The following PDE1A variants were observed in gnomAD, a reference collection of about 807,000 sequenced individuals.
PDE1A encodes the protein phosphodiesterase 1A.
Under a neutral mutation model 61.7 loss-of-function variants are expected in PDE1A, and 35 were observed. The observed-to-expected ratio is 0.57, with a 90% CI of 0.43 to 0.75. The LOEUF is 0.75. PDE1A is among the 30% of genes least tolerant of loss of function. The pLI is 0.00. For missense variants in PDE1A, 597 were observed against 630.6 expected (o/e 0.95, Z 0.57); for synonymous variants, 232 against 213.2 (o/e 1.09, Z -0.77).
intron 3 of PDE1A, among the ~76,000 whole-genome samples, 177 bp downstream of exon 3, chr2:182,239,933 G>C (rs1690365846): frequency 6.6e-6 from 1 of 152,100 alleles, no homozygotes. Flanking sequence ...TCCGGGACCA[G>C]GTGTTTTTGT....
the PDE1A span, among the ~76,000 whole-genome samples, chr2:182,701,419 T>C: frequency 2.6e-5 from 4 of 151,266 alleles, no homozygotes; most frequent in African/African-American, 7.3e-5. Flanking sequence ...TTTGCTGTGT[T>C]GCCCAGGCTG....
At chr2:182,367,388 CAT>C (rs374254346) in intron 1 of PDE1A, among the ~76,000 whole-genome samples, 299 of 152,010 alleles carry the variant, frequency 2.0e-3, no homozygotes, top group African/African-American at 6.8e-3. Context: ...AATTTGCTCA[CAT>C]GATTTGTTTA....
At chr2:182,683,259 A>G in the PDE1A span, among the ~76,000 whole-genome samples, 2 of 151,674 alleles carry the variant, frequency 1.3e-5, no homozygotes, top group Non-Finnish European at 2.9e-5. Context: ...TTGTACTTTT[A>G]GTAGAGACAG....
chr2:182,643,956 G>A, the PDE1A span, among the ~76,000 whole-genome samples: 1 of 151,976 alleles, frequency 6.6e-6, no homozygotes, highest in African/African-American at 2.4e-5. Flanking sequence ...AAAATTCTTT[G>A]TTTAGCTTAT....
rs142838849 is a variant in PDE1A, at chr2:182,468,326, T to C, written c.101+53950A>G. Among the ~76,000 whole-genome samples the C allele has an allele frequency of 1.0e-2, 1,516 of 152,108 alleles. 20 individuals carry two copies. Among genetic ancestry groups the C allele is most frequent in the African/African-American group, 0.034 (1,407 of 41,556 alleles). On this transcript the variant is annotated intron_variant, in intron 2 of 14. Coordinates refer to the PDE1A transcript ENST00000410103. ...TTTATGTACAAGTTTATATCTGTTATTGTCATTTCAACAATGTTCATAGCA... is the reference window on the plus strand; with the variant it reads ...TTTATGTACAAGTTTATATCTGTTACTGTCATTTCAACAATGTTCATAGCA...
chr2:182,555,278 T>G, the PDE1A span, among the ~76,000 whole-genome samples: 1 of 152,216 alleles, frequency 6.6e-6, no homozygotes, highest in Non-Finnish European at 1.5e-5. Context: ...ATTACATCAT[T>G]CAAACACATT....
intron 2 of PDE1A, 68 bp downstream of exon 2, chr2:182,264,233 G>A: frequency 2.0e-6 from 2 of 1,008,738 alleles, no homozygotes; most frequent in Non-Finnish European, 3.0e-6. Context: ...GATAAAGGAG[G>A]GTCAAGAAAG....
chr2:182,708,296 A>T, the PDE1A span, among the ~76,000 whole-genome samples: 5 of 152,058 alleles, frequency 3.3e-5, no homozygotes, highest in African/African-American at 1.2e-4. Context: ...GCTACGATTC[A>T]AGATGAGATT....
intron 1 of PDE1A, among the ~76,000 whole-genome samples, chr2:182,328,262 T>A (rs1165667673): frequency 2.0e-5 from 3 of 152,174 alleles, no homozygotes; most frequent in Non-Finnish European, 2.9e-5. Context: ...AGGTTGATGG[T>A]GAATTTAAAC....
chr2:182,337,838 G>C (rs1317608894), intron 1 of PDE1A, among the ~76,000 whole-genome samples: 2 of 152,106 alleles, frequency 1.3e-5, no homozygotes, highest in African/African-American at 4.8e-5. Context: ...AAAAAAGAAA[G>C]TGTGATACCC....
At chr2:182,681,036 T>C in the PDE1A span, among the ~76,000 whole-genome samples, 1 of 152,190 alleles carries the variant, frequency 6.6e-6, no homozygotes, top group South Asian at 2.1e-4. Context: ...TAAACTGTCA[T>C]GGGGCTGAAG....
At chr2:182,293,597 A>C (rs1166825109) in intron 1 of PDE1A, among the ~76,000 whole-genome samples, 1 of 152,160 alleles carries the variant, frequency 6.6e-6, no homozygotes, top group Non-Finnish European at 1.5e-5. Context: ...ATTCGTGGGG[A>C]ATGTGTTCCA....
At chr2:182,483,143 T>C (rs1687807812) in intron 2 of PDE1A, among the ~76,000 whole-genome samples, 1 of 151,922 alleles carries the variant, frequency 6.6e-6, no homozygotes, top group Non-Finnish European at 1.5e-5. Context: ...ATAGCAATCA[T>C]AGCTGTATAC....
the PDE1A span, among the ~76,000 whole-genome samples, chr2:182,589,249 AAAG>A: frequency 6.7e-4 from 78 of 117,012 alleles, no homozygotes; most frequent in African/African-American, 2.2e-3. Flanking sequence ...GAAAAAAAGA[AAAG>A]AAGGAAGGGA....
At chr2:182,666,858 TTAAG>T in the PDE1A span, among the ~76,000 whole-genome samples, 3 of 152,172 alleles carry the variant, frequency 2.0e-5, no homozygotes, top group Non-Finnish European at 4.4e-5. Flanking sequence ...TCAGTTCATA[TTAAG>T]TGTCTAGGAA....
At chr2:182,569,866 T>C in the PDE1A span, among the ~76,000 whole-genome samples, 8 of 152,228 alleles carry the variant, frequency 5.3e-5, no homozygotes, top group Admixed American at 5.2e-4. Flanking sequence ...TTACTGAAGT[T>C]CTAGCCTTTC....
chr2:182,199,952 A>G (rs989429431), intron 10 of PDE1A, among the ~76,000 whole-genome samples: 4 of 152,020 alleles, frequency 2.6e-5, no homozygotes, highest in Non-Finnish European at 5.9e-5. Flanking sequence ...TAATGAACAA[A>G]CTTTCAAAAT....
At chr2:182,693,176 A>G in the PDE1A span, among the ~76,000 whole-genome samples, 1 of 152,308 alleles carries the variant, frequency 6.6e-6, no homozygotes, top group East Asian at 1.9e-4. Flanking sequence ...TCAAATTTCA[A>G]ATATATATAA....
At chr2:182,352,038 C>T (rs760704451) in intron 1 of PDE1A, among the ~76,000 whole-genome samples, 3 of 152,160 alleles carry the variant, frequency 2.0e-5, no homozygotes, top group Non-Finnish European at 4.4e-5. Context: ...AGATACAGAC[C>T]TTCATGGGTC....
Sources: gnomAD v4.1 joint callset for allele counts (sites outside exome capture counted in the v4.1 genomes callset) on GRCh38, gnomAD v4.1.1 for gene constraint, MANE v1.5 for transcripts, NCBI Gene and HGNC (gene_info 2026-07-23, HGNC 2026-07-21) for gene names.